The following DHRSX variants were observed in gnomAD, a reference collection of about 807,000 sequenced individuals.
DHRSX encodes the protein polyprenol dehydrogenase.
DHRSX carries 31 observed loss-of-function variants against 34.0 expected under a neutral mutation model. The ratio of observed to expected loss-of-function variants is 0.91; its 90% CI spans 0.69 to 1.23. The LOEUF (loss-of-function observed/expected upper bound fraction) is 1.23. DHRSX is among the 50% of genes most tolerant of loss of function. DHRSX has a pLI of 0.00. For missense variants in DHRSX, 414 were observed against 428.1 expected (o/e 0.97, Z 0.29); for synonymous variants, 201 against 183.8 (o/e 1.09, Z -0.76).
intron 3 of DHRSX, among the ~76,000 whole-genome samples, chrX:2,297,098 G>A (rs749930959): frequency 6.6e-6 from 1 of 152,324 alleles, no homozygotes; most frequent in Admixed American, 6.5e-5. Context: ...GCAAATGTTT[G>A]TGCTGAATTA....
intron 1 of DHRSX, among the ~76,000 whole-genome samples, chrX:2,467,484 G>A (rs1232354836): frequency 6.6e-6 from 1 of 152,124 alleles, no homozygotes; most frequent in African/African-American, 2.4e-5. Flanking sequence ...GACTGTAACA[G>A]GGACAACGTG....
At position 2,344,189 on chromosome X, in the gene DHRSX, C is replaced by G. The variant is rs768995331; in HGVS notation, c.287-52586G>C. On this transcript the variant is annotated intron_variant, in intron 3 of 6. Transcript: ENST00000334651. ...ACAGAAAAGGTGAAAACTGATTCAACAAAGGAAGGATACTTGAGCTAGATT... is the reference window on the plus strand; with the variant it reads ...ACAGAAAAGGTGAAAACTGATTCAAGAAAGGAAGGATACTTGAGCTAGATT... Among the ~76,000 whole-genome samples the G allele has an allele frequency of 3.3e-5, 5 of 152,250 alleles. No individual in the cohort carries two copies. The South Asian group carries it at 1.0e-3, about 32-fold the overall frequency.
intron 1 of DHRSX, among the ~76,000 whole-genome samples, chrX:2,443,941 G>A (rs776889572): frequency 6.6e-6 from 1 of 151,372 alleles, no homozygotes; most frequent in Non-Finnish European, 1.5e-5. Context: ...GGGAGGTGGA[G>A]CTTGCAGTGA....
intron 2 of DHRSX, among the ~76,000 whole-genome samples, chrX:2,413,390 T>A (rs2043655666): frequency 6.6e-6 from 1 of 152,110 alleles, no homozygotes; most frequent in African/African-American, 2.4e-5. Flanking sequence ...ACAGTGACTA[T>A]AATTAATATT....
intron 1 of DHRSX, among the ~76,000 whole-genome samples, chrX:2,451,535 G>A (rs1325223173): frequency 6.6e-6 from 1 of 152,190 alleles, no homozygotes; most frequent in Non-Finnish European, 1.5e-5. Flanking sequence ...TTGGTAGCAA[G>A]CGTGTAGGGG....
intron 3 of DHRSX, among the ~76,000 whole-genome samples, chrX:2,386,205 T>TGA (rs1040134264): frequency 1.3e-5 from 2 of 150,620 alleles, no homozygotes; most frequent in African/African-American, 4.9e-5. Context: ...ATTTTGTGTG[T>TGA]GAGAGAGAGA....
intron 4 of DHRSX, among the ~76,000 whole-genome samples, chrX:2,269,085 A>C (rs1281574923): frequency 6.6e-6 from 1 of 152,246 alleles, no homozygotes; most frequent in Admixed American, 6.5e-5. Context: ...GCATGTGTAC[A>C]TATCTTTCTA....
chrX:2,264,676 CCA>C (rs2041417360), intron 5 of DHRSX, among the ~76,000 whole-genome samples: 1 of 149,786 alleles, frequency 6.7e-6, no homozygotes, highest in Non-Finnish European at 1.5e-5. Flanking sequence ...CCAGGGAGCA[CCA>C]TTTCCAGGGC....
rs756519849 is a variant in DHRSX, at chrX:2,374,477, G to A, written c.286+34268C>T. Among the ~76,000 whole-genome samples the A allele has an allele frequency of 5.0e-4, 75 of 150,450 alleles. 3 individuals are homozygous for A. Among genetic ancestry groups the A allele is most frequent in the Non-Finnish European group, 2.2e-4 (15 of 67,222 alleles). ...TGAGCAGCCGGGCACAGTGACTCAC[G>A]CCTGTAATCCCAGCACTTTGGGAGG... On this transcript the variant is annotated intron_variant, in intron 3 of 6. Transcript: ENST00000334651.
chrX:2,471,448 T>G (rs2044591189), intron 1 of DHRSX, among the ~76,000 whole-genome samples: 3 of 148,182 alleles, frequency 2.0e-5, no homozygotes, highest in Admixed American at 1.3e-4. Flanking sequence ...GCACCTGCAA[T>G]CCCAGCTACT....
At chrX:2,491,902 T>A (rs1043902501) in intron 1 of DHRSX, among the ~76,000 whole-genome samples, 8 of 152,294 alleles carry the variant, frequency 5.3e-5, no homozygotes, top group African/African-American at 1.7e-4. Context: ...TGCTCACACA[T>A]ACAGGCCCTT....
chrX:2,293,337 C>G (rs1420772286), intron 3 of DHRSX, among the ~76,000 whole-genome samples: 2 of 148,344 alleles, frequency 1.3e-5, no homozygotes, highest in Admixed American at 1.4e-4. Context: ...GTATATAATT[C>G]TGCCTCCAGG....
intron 2 of DHRSX, among the ~76,000 whole-genome samples, chrX:2,422,285 C>CTCTG (rs1287809175): frequency 3.9e-5 from 6 of 152,238 alleles, no homozygotes; most frequent in Admixed American, 3.9e-4. Flanking sequence ...TTTTTTGAGA[C>CTCTG]AGAGTCTCAC....
intron 1 of DHRSX, among the ~76,000 whole-genome samples, chrX:2,470,364 C>T (rs1374655435): frequency 8.0e-5 from 12 of 150,460 alleles, no homozygotes; most frequent in Non-Finnish European, 1.2e-4. Flanking sequence ...GAGTTTGAGA[C>T]AAGCCTGGGT....
intron 3 of DHRSX, among the ~76,000 whole-genome samples, chrX:2,342,322 T>C (rs1326104491): frequency 6.6e-6 from 1 of 152,086 alleles, no homozygotes; most frequent in Non-Finnish European, 1.5e-5. Context: ...TCTTCTCTCA[T>C]TGAGACAGAG....
At chrX:2,427,241 C>CGGCT (rs1349894279) in intron 1 of DHRSX, among the ~76,000 whole-genome samples, 1 of 152,098 alleles carries the variant, frequency 6.6e-6, no homozygotes, top group African/African-American at 2.4e-5. Flanking sequence ...AAGAGGAAGG[C>CGGCT]GGCTGGCTGG....
intron 5 of DHRSX, among the ~76,000 whole-genome samples, chrX:2,261,091 TC>T (rs1397942019): frequency 6.6e-6 from 1 of 151,952 alleles, no homozygotes; most frequent in Non-Finnish European, 1.5e-5. Context: ...ATGCCTGTAA[TC>T]CCAGCTACTC....
rs1160944536 is a variant in DHRSX, at chrX:2,267,852, C to T, written c.389-905G>A. On this transcript the variant is annotated intron_variant, in intron 4 of 6. Transcript: ENST00000334651. ...TCCCAGCTACTCGGGGAGGTTGAGG[C>T]GGGAGGATTGTTTGAGCCCAAGAGG... is the stretch of plus-strand genomic sequence containing the variant. 3.9e-5 allele frequency among the ~76,000 whole-genome samples: 6 copies of T among 151,966 alleles called. No individual in the cohort carries two copies. The South Asian group carries it at 6.2e-4, about 16-fold the overall frequency.
At chrX:2,297,206 T>C (rs1428670594) in intron 3 of DHRSX, among the ~76,000 whole-genome samples, 1 of 152,238 alleles carries the variant, frequency 6.6e-6, no homozygotes, top group Non-Finnish European at 1.5e-5. Flanking sequence ...CACTGCAGCC[T>C]CCACCTCCCG....
Sources: allele counts gnomAD v4.1 joint callset (sites outside exome capture counted in the v4.1 genomes callset), GRCh38; gene constraint gnomAD v4.1.1; transcripts MANE v1.5; gene names NCBI Gene and HGNC (gene_info 2026-07-23, HGNC 2026-07-21).